Variants in GRIP2 observed in about 807,000 individuals in gnomAD.
GRIP2 encodes the protein glutamate receptor interacting protein 2, also known as glutamate receptor-interacting protein 2.
GRIP2 carries 58 observed loss-of-function variants against 108.3 expected under a neutral mutation model. The observed-to-expected ratio is 0.54, with a 90% CI of 0.43 to 0.67. The LOEUF (loss-of-function observed/expected upper bound fraction) is 0.67, where lower values mean the gene tolerates loss of function less well. GRIP2 is among the 30% of genes least tolerant of loss of function. The probability of loss-of-function intolerance (pLI) is 0.00; values close to 1 mark genes in which losing one functional copy is unlikely to be tolerated. For synonymous variants in GRIP2, 586 were observed against 598.2 expected (o/e 0.98, Z 0.30); for missense variants, 1,278 against 1,430.6 (o/e 0.89, Z 1.72).
rs1327851562 is a variant in GRIP2, at chr3:14,509,860, T to C, written c.2038A>G (p.Ile680Val). 6.5e-7 allele frequency: 1 copy of C among 1,539,682 alleles called. No homozygotes were observed. The highest frequency in any genetic ancestry group is 2.5e-5 in the East Asian group (1 of 40,218). ...CGCTTGGTGAGGCCTGAGATGACAATGGGGTCAAAAGGTTCCTCCGTGCCC... is the reference window on the plus strand; with the variant it reads ...CGCTTGGTGAGGCCTGAGATGACAACGGGGTCAAAAGGTTCCTCCGTGCCC... ...ISGTEEPFDP[I>V]VISGLTKRGL... Residue 680 changes from isoleucine to valine, a missense_variant, in exon 17 of 24, where the codon ATT (isoleucine) becomes GTT (valine). Transcript: ENST00000621039.
the GRIP2 span, among the ~76,000 whole-genome samples, chr3:14,575,550 AC>A: frequency 6.6e-6 from 1 of 152,340 alleles, no homozygotes; most frequent in East Asian, 1.9e-4. Flanking sequence ...CCAGTCTTCT[AC>A]AGAACTGTCC....
chr3:14,574,676 G>A, the GRIP2 span: 1 of 631,384 alleles, frequency 1.6e-6, no homozygotes, highest in South Asian at 1.5e-5. Context: ...CCGCCAGAAA[G>A]CTGGCTGGAG....
At chr3:14,590,285 T>G in the GRIP2 span, among the ~76,000 whole-genome samples, 1 of 152,208 alleles carries the variant, frequency 6.6e-6, no homozygotes, top group African/African-American at 2.4e-5. Flanking sequence ...ACGCTTACTT[T>G]TCTTATTGAT....
chr3:14,514,252 G>A (rs764332231), intron 12 of GRIP2, 40 bp downstream of exon 12: 2 of 1,514,072 alleles, frequency 1.3e-6, no homozygotes, highest in African/African-American at 1.4e-5. Flanking sequence ...GTTTCTCTCA[G>A]AGAGTGGCAG....
chr3:14,523,595 G>A lies in GRIP2; in HGVS notation c.490+17C>T. The stretch of plus-strand genomic sequence containing the variant: ...CTTTCTTGCTGCCCCAATACCAAGG[G>A]CAATTCTTTCACTGACCTCTAAGGA... On this transcript the variant is annotated intron_variant, in intron 5 of 23. Transcript: ENST00000621039. 6.4e-7 allele frequency: 1 copy of A among 1,554,566 alleles called. No individual in the cohort carries two copies. The highest frequency in any genetic ancestry group is 1.1e-5 in the South Asian group (1 of 88,028).
At chr3:14,513,547 G>A (rs1478295791) in intron 13 of GRIP2, 118 bp downstream of exon 13, 2 of 1,312,448 alleles carry the variant, frequency 1.5e-6, no homozygotes, top group Non-Finnish European at 2.1e-6. Context: ...GCCCCTGGGA[G>A]AAGGGCACTG....
At chr3:14,534,110 T>C (rs1342867018) in intron 1 of GRIP2, among the ~76,000 whole-genome samples, 4 of 152,196 alleles carry the variant, frequency 2.6e-5, no homozygotes, top group African/African-American at 9.7e-5. Context: ...AATGCTGCAG[T>C]GTTTGCTGAT....
intron 20 of GRIP2, among the ~76,000 whole-genome samples, chr3:14,504,430 G>A (rs1693861151): frequency 6.6e-6 from 1 of 150,534 alleles, no homozygotes; most frequent in South Asian, 2.1e-4. Context: ...TCCTGCCTCA[G>A]CCTCCCGAGA....
intron 19 of GRIP2, among the ~76,000 whole-genome samples, chr3:14,506,472 T>C (rs1693930852): frequency 6.6e-6 from 1 of 152,206 alleles, no homozygotes. Flanking sequence ...GCACCTACTG[T>C]GTGCCAGACA....
chr3:14,504,729 T>C (rs553066377), intron 20 of GRIP2, among the ~76,000 whole-genome samples: 1 of 152,312 alleles, frequency 6.6e-6, no homozygotes, highest in East Asian at 1.9e-4. Flanking sequence ...TGAAGGACAC[T>C]TGCTCCATTC....
Position 14,521,515 on chromosome 3 carries a change from G to T in GRIP2, c.712+127C>A. Reference sequence around the variant, plus strand: ...CACATACTATTTACTGCCCAGAGAAGCTGTGACTGGCCCAAGGTCATAAGG... The same window carrying T: ...CACATACTATTTACTGCCCAGAGAATCTGTGACTGGCCCAAGGTCATAAGG... On this transcript the variant is annotated intron_variant, in intron 7 of 23. Transcript: ENST00000621039. This position sits in a 1 kb window ranked among gnomAD's most constrained non-coding sequence, Gnocchi z 5.1. 3 of 993,850 alleles carry T rather than the reference G, an allele frequency of 3.0e-6. No homozygotes were observed. The highest frequency in any genetic ancestry group is 1.8e-5 in the South Asian group (1 of 55,186). 61.6% of individuals were successfully genotyped at this position (993,850 alleles called of 1,614,324 possible). A position where few individuals can be genotyped will look rare whatever the true frequency, so the allele number is the denominator to read the frequency against.
chr3:14,564,486 A>T, the GRIP2 span, among the ~76,000 whole-genome samples: 1 of 152,234 alleles, frequency 6.6e-6, no homozygotes, highest in Non-Finnish European at 1.5e-5. Context: ...GTTCAGAGTC[A>T]AACAGTGCTG....
intron 20 of GRIP2, among the ~76,000 whole-genome samples, chr3:14,504,690 T>C (rs985446866): frequency 1.3e-5 from 2 of 152,146 alleles, no homozygotes; most frequent in African/African-American, 4.8e-5. Context: ...CTCCTTCCCT[T>C]TCCATGTAAC....
the GRIP2 span, among the ~76,000 whole-genome samples, chr3:14,585,339 C>T: frequency 1.3e-5 from 2 of 152,212 alleles, no homozygotes; most frequent in Non-Finnish European, 2.9e-5. Flanking sequence ...GAGATTTCAG[C>T]ATAAAATATT....
intron 16 of GRIP2, among the ~76,000 whole-genome samples, chr3:14,510,255 G>GTT (rs1559336891): frequency 8.0e-6 from 1 of 124,588 alleles, no homozygotes; most frequent in Non-Finnish European, 1.7e-5. Flanking sequence ...CCGATCATCC[G>GTT]TTGTTTTTTT....
intron 12 of GRIP2, 24 bp from the exon 13 acceptor site, chr3:14,513,834 G>C (rs1477566246): frequency 2.5e-6 from 4 of 1,609,010 alleles, no homozygotes; most frequent in Non-Finnish European, 3.4e-6. Flanking sequence ...GCCCGGCAGA[G>C]AGAAGAGGCT....
rs1356380714 is a variant in GRIP2, at chr3:14,490,153, C to T, written c.*3512G>A. 6.6e-6 allele frequency: 1 copy of T among 152,030 alleles called. No homozygotes were observed. Among genetic ancestry groups the T allele is most frequent in the Non-Finnish European group, 1.5e-5 (1 of 68,082 alleles). The allele number at this position is 152,030 out of a possible 1,614,324, so 9.4% of individuals were successfully genotyped here. On this transcript the variant is annotated 3_prime_UTR_variant, in exon 24 of 24. Transcript: ENST00000621039. Reference sequence around the variant, plus strand: ...TCTCTATGTGTACTGGGCCATGTGGCTTGTGTTCAAGCCCTGGTTCCATCC... The same window carrying T: ...TCTCTATGTGTACTGGGCCATGTGGTTTGTGTTCAAGCCCTGGTTCCATCC...
At chr3:14,503,205 C>T (rs1693813012) in intron 21 of GRIP2, among the ~76,000 whole-genome samples, 1 of 151,748 alleles carries the variant, frequency 6.6e-6, no homozygotes, top group South Asian at 2.1e-4. Flanking sequence ...CCCCGTGTGC[C>T]TACATGTGCA....
chr3:14,586,047 A>C, the GRIP2 span, among the ~76,000 whole-genome samples: 1 of 152,174 alleles, frequency 6.6e-6, no homozygotes, highest in Non-Finnish European at 1.5e-5. Flanking sequence ...ACAGCATGGC[A>C]ACCACACTGG....
Sources: allele counts gnomAD v4.1 joint callset (sites outside exome capture counted in the v4.1 genomes callset), GRCh38; gene constraint gnomAD v4.1.1; non-coding constraint Gnocchi (gnomAD v3.1); transcripts MANE v1.5; gene names NCBI Gene and HGNC (gene_info 2026-07-23, HGNC 2026-07-21).